Variants in MYRFL observed in about 807,000 individuals in gnomAD.
MYRFL encodes myelin regulatory factor-like protein.
A neutral mutation model predicts 109.4 loss-of-function variants in MYRFL; 88 were observed. The observed-to-expected ratio is 0.80, with a 90% CI of 0.68 to 0.96. The LOEUF (loss-of-function observed/expected upper bound fraction) is 0.96. MYRFL is among the 40% of genes least tolerant of loss of function. The pLI is 0.00. For synonymous variants in MYRFL, 324 were observed against 320.9 expected, an observed-to-expected ratio of 1.01 and a Z score of -0.10; for missense variants, 957 against 954.9, an observed-to-expected ratio of 1.00 and a Z score of -0.03.
chr12:69,921,621 G>T (rs1954917362), intron 13 of MYRFL, among the ~76,000 whole-genome samples: 1 of 152,144 alleles, frequency 6.6e-6, no homozygotes, highest in Non-Finnish European at 1.5e-5. Context: ...ATTTTCTATT[G>T]GATGGATCCA....
rs55954692 is a variant in MYRFL at position 69,898,902 on chromosome 12, ACTCT to A, written c.1182+1659_1182+1662del. On this transcript the variant is annotated intron_variant, in intron 10 of 24. Transcript: ENST00000552032. ...CTCTCTAGCATTCTGTTTACCAAAA[ACTCT>A]CTGTTAATTGGCACCTCCTCAAATC... 9.7e-3 allele frequency among the ~76,000 whole-genome samples: 1,475 copies of A among 151,882 alleles called. 30 individuals carry two copies. Among genetic ancestry groups the A allele is most frequent in the African/African-American group, 0.034 (1,392 of 41,370 alleles).
At chr12:69,944,525 G>A (rs1418670725) in intron 19 of MYRFL, among the ~76,000 whole-genome samples, 1 of 144,736 alleles carries the variant, frequency 6.9e-6, no homozygotes, top group Admixed American at 7.0e-5. Flanking sequence ...CACACTCTGA[G>A]GACTGTTGTG....
chr12:69,957,636 T>C (rs925614313), intron 22 of MYRFL, among the ~76,000 whole-genome samples, 186 bp from the exon 23 acceptor site: 3 of 152,160 alleles, frequency 2.0e-5, no homozygotes, highest in Non-Finnish European at 4.4e-5. Flanking sequence ...GGGTTTCCTT[T>C]TGTAGTAATG....
chr12:69,956,147 T>A (rs1381195834), intron 22 of MYRFL, among the ~76,000 whole-genome samples: 1 of 151,484 alleles, frequency 6.6e-6, no homozygotes, highest in Admixed American at 6.6e-5. Context: ...TAGTTTATAT[T>A]TTTGAGATTG....
At chr12:69,935,185 G>A (rs147723175) in intron 16 of MYRFL, among the ~76,000 whole-genome samples, 80 of 142,652 alleles carry the variant, frequency 5.6e-4, no homozygotes, top group African/African-American at 1.9e-3. Context: ...AGCACATATG[G>A]CACAGTTTTT....
At chr12:69,857,659 T>G (rs1029574525) in intron 2 of MYRFL, among the ~76,000 whole-genome samples, 1 of 151,832 alleles carries the variant, frequency 6.6e-6, no homozygotes, top group African/African-American at 2.4e-5. Context: ...TTTCAATTTT[T>G]AGTTCCAATT....
At chr12:69,910,794 T>G (rs1954543027) in intron 12 of MYRFL, 27 bp from the exon 13 acceptor site, 1 of 1,452,194 alleles carries the variant, frequency 6.9e-7, no homozygotes, top group Admixed American at 2.0e-5. Context: ...CTTTGAAGAT[T>G]AAACCTGTGG....
At chr12:69,846,299 A>G (rs1036739109) in intron 1 of MYRFL, among the ~76,000 whole-genome samples, 2 of 150,818 alleles carry the variant, frequency 1.3e-5, no homozygotes, top group African/African-American at 4.9e-5. Flanking sequence ...TTAACTCGTC[A>G]TTTAGCATTA....
chr12:69,924,486 A>G lies in MYRFL; in HGVS notation c.1603-2085A>G, dbSNP rs1329748482. ...GCATAGTATACTGCTATGCAAATGTACCACAGTTTATTATCAATTCCCCTA... is the reference window on the plus strand; with the variant it reads ...GCATAGTATACTGCTATGCAAATGTGCCACAGTTTATTATCAATTCCCCTA... On this transcript the variant is annotated intron_variant, in intron 13 of 24. Coordinates refer to ENST00000552032, the MANE Select transcript of MYRFL (RefSeq NM_182530.3). Among the ~76,000 whole-genome samples the G allele has an allele frequency of 3.9e-5, 6 of 152,156 alleles. No homozygotes were observed. The East Asian group carries it at 1.2e-3, about 29-fold the overall frequency.
At chr12:69,875,791 C>A (rs990432128) in intron 2 of MYRFL, among the ~76,000 whole-genome samples, 1 of 152,338 alleles carries the variant, frequency 6.6e-6, no homozygotes, top group South Asian at 2.1e-4. Context: ...CCCCCGCCCC[C>A]ACTACGTCCA....
intron 2 of MYRFL, among the ~76,000 whole-genome samples, chr12:69,871,637 T>C (rs1885362877): frequency 6.6e-6 from 1 of 152,244 alleles, no homozygotes; most frequent in Admixed American, 6.5e-5. Flanking sequence ...GAAGATTTAA[T>C]TTTCTTATAT....
At chr12:69,911,482 T>C (rs1405139028) in intron 13 of MYRFL, among the ~76,000 whole-genome samples, 1 of 152,222 alleles carries the variant, frequency 6.6e-6, no homozygotes, top group Non-Finnish European at 1.5e-5. Flanking sequence ...TATGAAGATA[T>C]TCATGGGCCT....
chr12:69,852,638 G>A (rs558151680), intron 1 of MYRFL, among the ~76,000 whole-genome samples: 98 of 145,688 alleles, frequency 6.7e-4, no homozygotes, highest in Admixed American at 3.9e-3. Flanking sequence ...CTCACAGAGG[G>A]GGATTTGGCA....
intron 1 of MYRFL, among the ~76,000 whole-genome samples, chr12:69,853,309 C>CT (rs1347072663): frequency 2.0e-5 from 3 of 151,996 alleles, no homozygotes; most frequent in East Asian, 3.9e-4. Flanking sequence ...ACGCTCCTCA[C>CT]TTCCCGGACG....
intron 16 of MYRFL, among the ~76,000 whole-genome samples, chr12:69,934,423 TA>T (rs1955380972): frequency 6.6e-6 from 1 of 152,204 alleles, no homozygotes; most frequent in African/African-American, 2.4e-5. Flanking sequence ...TTAGTGTTTT[TA>T]GCTCTGCCAT....
intron 12 of MYRFL, 97 bp downstream of exon 12, chr12:69,910,174 C>A: frequency 1.3e-6 from 1 of 782,270 alleles, no homozygotes; most frequent in Non-Finnish European, 2.0e-6. Context: ...CATTTGACAA[C>A]GCTATGTTGA....
At chr12:69,895,771 A>G (rs555720206) in intron 9 of MYRFL, among the ~76,000 whole-genome samples, 1 of 152,212 alleles carries the variant, frequency 6.6e-6, no homozygotes, top group African/African-American at 2.4e-5. Context: ...TTTATATCTC[A>G]TTGCCATCCA....
At chr12:69,858,371 C>T (rs1317391889) in intron 2 of MYRFL, among the ~76,000 whole-genome samples, 1 of 151,794 alleles carries the variant, frequency 6.6e-6, no homozygotes, top group Non-Finnish European at 1.5e-5. Context: ...TTCTAAAATT[C>T]GTTGGGAAAT....
chr12:69,952,156 C>T lies in MYRFL; in HGVS notation c.2268C>T (p.Gly756=). The change falls in exon 20 of 25, where the codon GGC becomes GGT. Residue 756 remains glycine (G), a synonymous_variant. Coordinates refer to ENST00000552032, the MANE Select transcript of MYRFL (RefSeq NM_182530.3). The part of the protein sequence containing the change: ...KSVLARNALS[G]PDWESDWIDT... Reference sequence around the variant, plus strand: ...TTTTGGCAAGAAATGCACTCAGCGGCCCTGACTGGGAGAGTGACTGTAAGT... The same window carrying T: ...TTTTGGCAAGAAATGCACTCAGCGGTCCTGACTGGGAGAGTGACTGTAAGT... 3.3e-6 allele frequency: 5 copies of T among 1,536,088 alleles called. No homozygotes were observed. The highest frequency in any genetic ancestry group is 4.4e-6 in the Non-Finnish European group (5 of 1,146,896).
Sources: allele counts gnomAD v4.1 joint callset (sites outside exome capture counted in the v4.1 genomes callset), GRCh38; gene constraint gnomAD v4.1.1; transcripts MANE v1.5; gene names NCBI Gene and HGNC (gene_info 2026-07-23, HGNC 2026-07-21).